The following SRPK1 variants were observed in gnomAD, a reference collection of about 807,000 sequenced individuals.
The protein encoded by SRPK1 is SFRS protein kinase 1.
SRPK1 carries 52 observed loss-of-function variants against 89.5 expected under a neutral mutation model. That is an observed-to-expected ratio of 0.58 (90% CI 0.46 to 0.73). The LOEUF (loss-of-function observed/expected upper bound fraction) is 0.73, where lower values mean the gene tolerates loss of function less well. Among genes scored for constraint, SRPK1 ranks in the 30% least tolerant of loss-of-function variants. The pLI, the probability that SRPK1 is intolerant of heterozygous loss-of-function variation, is 0.00. For missense variants in SRPK1, 603 were observed against 780.6 expected (o/e 0.77, Z 2.71); for synonymous variants, 255 against 270.2 (o/e 0.94, Z 0.55).
intron 1 of SRPK1, 183 bp from the exon 2 acceptor site, chr6:35,920,711 C>G (rs1771217059): frequency 1.0e-5 from 1 of 97,890 alleles, no homozygotes; most frequent in Non-Finnish European, 1.6e-5. Context: ...AGCGCCCGGG[C>G]GGGATGCGCC....
intron 2 of SRPK1, among the ~76,000 whole-genome samples, chr6:35,911,507 G>C (rs1383742621): frequency 6.6e-6 from 1 of 152,052 alleles, no homozygotes; most frequent in Non-Finnish European, 1.5e-5. Flanking sequence ...TTGAGCCCAG[G>C]AGTTCAAGAC....
At chr6:35,866,674 G>C (rs1441732576) in intron 12 of SRPK1, among the ~76,000 whole-genome samples, 1 of 152,144 alleles carries the variant, frequency 6.6e-6, no homozygotes, top group East Asian at 1.9e-4. Flanking sequence ...CAGTACCACT[G>C]CTGGGTATCT....
intron 6 of SRPK1, among the ~76,000 whole-genome samples, chr6:35,885,729 C>T (rs370698553): frequency 5.3e-5 from 8 of 152,162 alleles, no homozygotes; most frequent in Non-Finnish European, 8.8e-5. Context: ...AAGTAAGATT[C>T]GACTTCATCT....
chr6:35,893,063 T>A (rs1020568273), intron 2 of SRPK1, among the ~76,000 whole-genome samples: 25 of 151,082 alleles, frequency 1.7e-4, no homozygotes, highest in African/African-American at 6.2e-4. Context: ...CTTTGGGAAA[T>A]TTATTTAGTA....
chr6:35,842,704 T>C, intron 13 of SRPK1, 100 bp from the exon 14 acceptor site: 1 of 684,054 alleles, frequency 1.5e-6, no homozygotes, highest in Non-Finnish European at 2.2e-6. Flanking sequence ...TCTTGTTCCC[T>C]TGGGAAAACT....
chr6:35,875,382 A>T (rs1770134354), intron 6 of SRPK1, among the ~76,000 whole-genome samples: 1 of 151,938 alleles, frequency 6.6e-6, no homozygotes, highest in South Asian at 2.1e-4. Context: ...CGCTGGGCTA[A>T]TTTTTGTATT....
At chr6:35,912,530 A>G (rs1390454499) in intron 2 of SRPK1, among the ~76,000 whole-genome samples, 2 of 152,110 alleles carry the variant, frequency 1.3e-5, no homozygotes, top group Admixed American at 6.5e-5. Context: ...CAGTGCAAAC[A>G]TAACTTTTAT....
chr6:35,889,698 C>T (rs184668244), intron 3 of SRPK1, among the ~76,000 whole-genome samples: 2,600 of 146,772 alleles, frequency 0.018, 71 homozygotes, highest in African/African-American at 0.058. Flanking sequence ...GCAGGAGAAT[C>T]GCTTGAACCC....
Position 35,857,270 on chromosome 6 carries a change from C to T in SRPK1, c.1611G>A (p.Thr537=), listed in dbSNP as rs749464029. The change falls in exon 13 of 16, where the codon ACG becomes ACA. Residue 537 remains threonine, a synonymous_variant. Coordinates refer to ENST00000373825, the MANE Select transcript of SRPK1 (RefSeq NM_003137.5). ...GGGGAAAAAACATTACCATGCATGC[C>T]GTGCTCCAAATGTCAGCAGGGGTAT... The part of the protein sequence containing the change: ...GYNTPADIWS[T]ACMAFELATG... The T allele has an allele frequency of 1.7e-5, 28 of 1,610,960 alleles. No homozygotes were observed. The highest frequency in any genetic ancestry group is 1.2e-4 in the Admixed American group (7 of 59,772).
chr6:35,892,333 A>G (rs1339345463), intron 2 of SRPK1, among the ~76,000 whole-genome samples: 1 of 152,150 alleles, frequency 6.6e-6, no homozygotes, highest in Non-Finnish European at 1.5e-5. Flanking sequence ...GACACTTATT[A>G]GTTGCCTGTC....
At chr6:35,883,198 C>T (rs1582016581) in intron 6 of SRPK1, among the ~76,000 whole-genome samples, 3 of 151,970 alleles carry the variant, frequency 2.0e-5, no homozygotes, top group Admixed American at 6.6e-5. Flanking sequence ...GCAGGTGGAT[C>T]GCCAACATGG....
chr6:35,877,183 T>C (rs147114344), intron 6 of SRPK1, among the ~76,000 whole-genome samples: 1 of 152,270 alleles, frequency 6.6e-6, no homozygotes, highest in East Asian at 1.9e-4. Flanking sequence ...GTAGGATATA[T>C]TTGGGAAGGT....
At chr6:35,900,347 A>G (rs933969668) in intron 2 of SRPK1, among the ~76,000 whole-genome samples, 5 of 152,228 alleles carry the variant, frequency 3.3e-5, no homozygotes, top group East Asian at 1.9e-4. Context: ...CATTGTAGGT[A>G]GAAAATAAAA....
In SRPK1 at chr6:35,886,782, A is replaced by G. The variant is rs1770417904; in HGVS notation, c.420T>C (p.Asn140=). Residue 140 remains asparagine, a synonymous_variant, in exon 6 of 16, where the codon AAT becomes AAC. Coordinates refer to ENST00000373825, the MANE Select transcript of SRPK1 (RefSeq NM_003137.5). Reference sequence around the variant, plus strand: ...CTAGTAGTTGAACAACCATTTCTCTATTTGGATCATTAGGGTCTGAATTGC... The same window carrying G: ...CTAGTAGTTGAACAACCATTTCTCTGTTTGGATCATTAGGGTCTGAATTGC... ...SVRNSDPNDP[N]REMVVQLLDD... is the part of the protein sequence containing the mutation. 6.2e-7 allele frequency: 1 copy of G among 1,611,108 alleles called. No individual in the cohort carries two copies. Among genetic ancestry groups the G allele is most frequent in the South Asian group, 1.1e-5 (1 of 90,964 alleles).
At chr6:35,877,034 G>A (rs1382980481) in intron 6 of SRPK1, among the ~76,000 whole-genome samples, 1 of 152,220 alleles carries the variant, frequency 6.6e-6, no homozygotes, top group African/African-American at 2.4e-5. Flanking sequence ...AAGCACATGT[G>A]TGTGAGGAAA....
intron 2 of SRPK1, among the ~76,000 whole-genome samples, chr6:35,896,847 G>A (rs948544387): frequency 6.6e-6 from 1 of 152,174 alleles, no homozygotes; most frequent in Admixed American, 6.5e-5. Context: ...CAACTGCTGA[G>A]CGGATAAACA....
At chr6:35,873,813 G>A (rs1186209386) in intron 7 of SRPK1, among the ~76,000 whole-genome samples, 1 of 135,370 alleles carries the variant, frequency 7.4e-6, no homozygotes. Flanking sequence ...TTAAAACAAA[G>A]AATTTTAAAA....
In SRPK1 at chr6:35,869,096, C is replaced by T; in HGVS notation, c.1426G>A (p.Gly476Arg). Residue 476 changes from glycine to arginine, a missense_variant, in exon 12 of 16, where the codon GGA becomes AGA. Transcript: ENST00000373825. ...TCAAGGGGATTAACAAGAAAATTTC[C>T]AGCCGTGGATTTTCCTACAGACAAC... ...PLDNKGKSTA[G>R]NFLVNPLEPK... is the part of the protein sequence containing the mutation. 1.2e-6 allele frequency: 2 copies of T among 1,613,386 alleles called. No homozygotes were observed. Among genetic ancestry groups the T allele is most frequent in the Non-Finnish European group, 1.7e-6 (2 of 1,179,702 alleles).
chr6:35,882,461 C>A (rs1770317765), intron 6 of SRPK1, among the ~76,000 whole-genome samples: 1 of 151,964 alleles, frequency 6.6e-6, no homozygotes. Context: ...GGACTACAGG[C>A]ATGAGCTACC....
Sources: allele counts gnomAD v4.1 joint callset (sites outside exome capture counted in the v4.1 genomes callset), GRCh38; gene constraint gnomAD v4.1.1; transcripts MANE v1.5; gene names NCBI Gene and HGNC (gene_info 2026-07-23, HGNC 2026-07-21).